USP34: variants seen among roughly 807,000 people sequenced by gnomAD.
USP34 encodes ubiquitin carboxyl-terminal hydrolase 34.
In USP34, 70 loss-of-function variants were observed where a neutral mutation model predicts 460.3. The ratio of observed to expected loss-of-function variants is 0.15; its 90% CI spans 0.13 to 0.19. The LOEUF (loss-of-function observed/expected upper bound fraction) is 0.19, where lower values mean the gene tolerates loss of function less well. USP34 is among the 10% of genes least tolerant of loss of function. The probability of loss-of-function intolerance (pLI) is 1.00; values close to 1 mark genes in which losing one functional copy is unlikely to be tolerated. For synonymous variants in USP34, 1,647 were observed against 1,405.3 expected (o/e 1.17, Z -3.85); for missense variants, 3,985 against 4,236.2 (o/e 0.94, Z 1.65).
At chr2:61,208,446 C>G (rs1687182292) in intron 70 of USP34, 1 of 152,292 alleles carries the variant, frequency 6.6e-6, no homozygotes, top group Admixed American at 6.5e-5. Context: ...TCAGGACTTC[C>G]TGAGGCTGTG....
At chr2:61,402,880 T>C (rs901100630) in intron 3 of USP34, among the ~76,000 whole-genome samples, 1 of 152,174 alleles carries the variant, frequency 6.6e-6, no homozygotes, top group African/African-American at 2.4e-5. Flanking sequence ...TATATAATTT[T>C]ATAACATGTA....
chr2:61,452,569 G>C (rs934671982), intron 1 of USP34, among the ~76,000 whole-genome samples: 1 of 151,690 alleles, frequency 6.6e-6, no homozygotes, highest in Non-Finnish European at 1.5e-5. Context: ...TGATCCACCC[G>C]CCTCAGCCTC....
chr2:61,321,170 TA>T (rs558041675), intron 21 of USP34, among the ~76,000 whole-genome samples: 12 of 141,486 alleles, frequency 8.5e-5, no homozygotes, highest in Admixed American at 7.1e-5. Flanking sequence ...ACTGTCTCTT[TA>T]AAAAAAAAAA....
At chr2:61,252,807 T>C (rs1250254650) in intron 48 of USP34, among the ~76,000 whole-genome samples, 1 of 152,158 alleles carries the variant, frequency 6.6e-6, no homozygotes, top group Non-Finnish European at 1.5e-5. Context: ...AAACCATGCA[T>C]TGTGTCAATA....
chr2:61,293,663 C>G, intron 32 of USP34, 113 bp from the exon 33 acceptor site: 1 of 682,166 alleles, frequency 1.5e-6, no homozygotes, highest in Non-Finnish European at 2.4e-6. Context: ...ATTTACACTA[C>G]TATTCATTTA....
intron 2 of USP34, among the ~76,000 whole-genome samples, chr2:61,413,711 C>T (rs1050859954): frequency 7.0e-6 from 1 of 143,000 alleles, no homozygotes; most frequent in Non-Finnish European, 1.5e-5. Flanking sequence ...GAGTGAGTGG[C>T]TCACGCCTGT....
intron 48 of USP34, among the ~76,000 whole-genome samples, chr2:61,251,006 C>T (rs1015420496): frequency 5.3e-5 from 8 of 152,016 alleles, no homozygotes; most frequent in African/African-American, 1.7e-4. Flanking sequence ...GGCGTGGTGG[C>T]GGGCGCCTGT....
At position 61,187,545 on chromosome 2, in the gene USP34, A is replaced by AT. The variant is rs1429144776; in HGVS notation, c.*556dup. On this transcript the variant is annotated 3_prime_UTR_variant, in exon 80 of 80. Transcript: ENST00000398571. ...TCATGTCAATAAAAATAAAACAATT[A>AT]TTTTTACATCAAGTGTGCTTTATTT... 5 of 978,154 alleles carry AT rather than the reference A, an allele frequency of 5.1e-6. No individual in the cohort carries two copies. In the South Asian group the frequency reaches 1.9e-4, roughly 37 times the overall value. 60.6% of individuals were successfully genotyped at this position (978,154 alleles called of 1,614,324 possible). A position where few individuals can be genotyped will look rare whatever the true frequency, so the allele number is the denominator to read the frequency against.
intron 1 of USP34, among the ~76,000 whole-genome samples, chr2:61,443,764 T>A (rs576617035): frequency 1.3e-5 from 2 of 152,166 alleles, no homozygotes; most frequent in African/African-American, 4.8e-5. Context: ...TATTACACAT[T>A]TGTCAAACCC....
In USP34 at chr2:61,229,476, C is replaced by CCA. The variant is rs1687827714; in HGVS notation, c.7199+71_7199+72insTG. ...ATCTCTTAAAAAAAAAAAAAAAAAA[C>CCA]AAAAAAAAAAAACAAAAACACCACA... On this transcript the variant is annotated intron_variant, in intron 59 of 79. Coordinates refer to ENST00000398571, the MANE Select transcript of USP34 (RefSeq NM_014709.4). The CCA allele has an allele frequency of 2.0e-5, 8 of 401,836 alleles. No homozygotes were observed. The Admixed American group carries it at 3.3e-4, about 17-fold the overall frequency. The allele number at this position is 401,836 out of a possible 1,614,324, so 24.9% of individuals were successfully genotyped here.
At chr2:61,189,365 C>G (rs993302626) in intron 78 of USP34, 1 of 205,578 alleles carries the variant, frequency 4.9e-6, no homozygotes, top group East Asian at 1.2e-4. Flanking sequence ...CTCCACCACC[C>G]GGGTTCAAGC....
chr2:61,411,542 T>C (rs574623166), intron 2 of USP34, among the ~76,000 whole-genome samples: 8 of 152,356 alleles, frequency 5.3e-5, no homozygotes, highest in African/African-American at 1.9e-4. Context: ...TGTCTTTTTA[T>C]AGCTCTTACC....
intron 29 of USP34, 145 bp downstream of exon 29, chr2:61,300,806 A>C: frequency 3.3e-6 from 2 of 603,750 alleles, no homozygotes; most frequent in Admixed American, 7.6e-5. Context: ...AAAAAAAGAA[A>C]ACAAAAAAAA....
chr2:61,377,926 C>A (rs1274381114), intron 8 of USP34, among the ~76,000 whole-genome samples: 1 of 152,206 alleles, frequency 6.6e-6, no homozygotes, highest in Non-Finnish European at 1.5e-5. Context: ...CGCCTGTAAT[C>A]CCAACACTTT....
chr2:61,405,382 T>C (rs1693840778), intron 3 of USP34, among the ~76,000 whole-genome samples: 1 of 152,070 alleles, frequency 6.6e-6, no homozygotes, highest in Admixed American at 6.6e-5. Context: ...AGAATGAAAT[T>C]TAAAATTCCA....
rs35751865 is a variant in USP34, at chr2:61,318,190, C to CAAA, written c.3169-426_3169-424dup. Among the ~76,000 whole-genome samples, 348 of 108,128 alleles carry CAAA rather than the reference C, an allele frequency of 3.2e-3. 3 individuals are homozygous for CAAA. In the East Asian group the frequency reaches 0.048, roughly 15 times the overall value. 70.9% of individuals were successfully genotyped at this position (108,128 alleles called of 152,430 possible). A position where few individuals can be genotyped will look rare whatever the true frequency, so the allele number is the denominator to read the frequency against. On this transcript the variant is annotated intron_variant, in intron 22 of 79. Transcript: ENST00000398571. ...CCTTGGAGACAGAGCAAGCCCATCT[C>CAAA]AAAAAAAAAAAAAAAAATGAAAATA...
chr2:61,350,562 T>C lies in USP34; in HGVS notation c.1377+6A>G, dbSNP rs375045944. ...AAAAAAAACTATCATGTTTTGAATG[T>C]ATTACCTGTTCAGTATGAACACTTG... On this transcript the variant is annotated splice_donor_region_variant and intron_variant, in intron 11 of 79. Coordinates refer to ENST00000398571, the MANE Select transcript of USP34 (RefSeq NM_014709.4). 6.3e-7 allele frequency: 1 copy of C among 1,598,082 alleles called. No individual in the cohort carries two copies. Among genetic ancestry groups the C allele is most frequent in the African/African-American group, 1.4e-5 (1 of 73,978 alleles).
At position 61,284,628 on chromosome 2, in the gene USP34, A is replaced by G. The variant is rs1689634243; in HGVS notation, c.4832+247T>C. Among the ~76,000 whole-genome samples the G allele has an allele frequency of 2.0e-5, 3 of 152,316 alleles. No individual in the cohort carries two copies. The Middle Eastern group carries it at 0.01, about 518-fold the overall frequency. On this transcript the variant is annotated intron_variant, in intron 35 of 79. Coordinates refer to ENST00000398571, the MANE Select transcript of USP34 (RefSeq NM_014709.4). ...AACAAAGTACTGGTGAACAGTCATG[A>G]TATCTGCAATTCAGTCTCAGAAGAT...
chr2:61,434,505 C>T (rs1217804108), intron 1 of USP34, among the ~76,000 whole-genome samples: 1 of 152,142 alleles, frequency 6.6e-6, no homozygotes, highest in African/African-American at 2.4e-5. Context: ...AAGCCAGACC[C>T]CAAGTTGGCC....
Sources: allele counts gnomAD v4.1 joint callset (sites outside exome capture counted in the v4.1 genomes callset), GRCh38; gene constraint gnomAD v4.1.1; transcripts MANE v1.5; gene names NCBI Gene and HGNC (gene_info 2026-07-23, HGNC 2026-07-21).